ACKR2: variants seen among roughly 807,000 people sequenced by gnomAD.
The protein encoded by ACKR2 is C-C chemokine receptor D6.
For missense variants in ACKR2, 457 were observed against 477.3 expected, an observed-to-expected ratio of 0.96 and a Z score of 0.40; for synonymous variants, 207 against 192.2, an observed-to-expected ratio of 1.08 and a Z score of -0.64.
intron 2 of ACKR2, among the ~76,000 whole-genome samples, chr3:42,832,360 G>C (rs1172341751): frequency 6.6e-6 from 1 of 151,990 alleles, no homozygotes; most frequent in African/African-American, 2.4e-5. Flanking sequence ...ATAGTGGTGG[G>C]CACCTGTAAT....
intron 1 of ACKR2, among the ~76,000 whole-genome samples, chr3:42,810,407 A>ACC (rs71941559): frequency 1.2e-4 from 17 of 145,796 alleles, no homozygotes; most frequent in Non-Finnish European, 1.8e-4. Context: ...AATTCATAGT[A>ACC]CCCCCCCCCA....
intron 2 of ACKR2, among the ~76,000 whole-genome samples, chr3:42,822,797 G>A (rs1700821950): frequency 8.2e-6 from 1 of 122,186 alleles, no homozygotes; most frequent in Non-Finnish European, 1.6e-5. Flanking sequence ...CTGGGTGACA[G>A]AGCAAGACTC....
chr3:42,822,359 A>C (rs1476578601), intron 2 of ACKR2, among the ~76,000 whole-genome samples: 1 of 152,164 alleles, frequency 6.6e-6, no homozygotes, highest in Non-Finnish European at 1.5e-5. Context: ...CATCCTTTTA[A>C]GTTCACATGT....
chr3:42,832,621 A>C (rs1229039489), intron 2 of ACKR2, among the ~76,000 whole-genome samples: 1 of 152,224 alleles, frequency 6.6e-6, no homozygotes, highest in African/African-American at 2.4e-5. Flanking sequence ...CGCATACGGA[A>C]CGCACAGCAA....
At position 42,864,525 on chromosome 3, in the gene ACKR2, A is replaced by G. The variant is rs942599460; in HGVS notation, c.23A>G (p.Gln8Arg). MAATASP[Q>R]PLATEDADSE... is the part of the protein sequence containing the mutation. ...AACATGGCCGCCACTGCCTCTCCGC[A>G]GCCACTCGCCACTGAGGATGCCGAT... Residue 8 changes from glutamine to arginine, a missense_variant, in exon 3 of 3, where the codon CAG becomes CGG. Gln to Arg is a conservative substitution (Grantham distance 43). Coordinates refer to ENST00000422265, the MANE Select transcript of ACKR2 (RefSeq NM_001296.5). 6 of 1,606,150 alleles carry G rather than the reference A, an allele frequency of 3.7e-6. No homozygotes were observed. In the African/African-American group the frequency reaches 5.3e-5, roughly 14 times the overall value.
At chr3:42,816,180 T>C (rs1197546570) in intron 1 of ACKR2, among the ~76,000 whole-genome samples, 1 of 135,684 alleles carries the variant, frequency 7.4e-6, no homozygotes, top group Non-Finnish European at 1.5e-5. Flanking sequence ...TAAACACAAT[T>C]GATAGTTTCG....
chr3:42,864,922 G>A lies in ACKR2; in HGVS notation c.420G>A (p.Leu140=), dbSNP rs138793399. The A allele has an allele frequency of 4.8e-5, 78 of 1,614,102 alleles. No individual in the cohort carries two copies. The African/African-American group carries it at 9.9e-4, about 20-fold the overall frequency. The change falls in exon 3 of 3, where the codon CTG becomes CTA. Residue 140 remains leucine (L), a synonymous_variant. Transcript: ENST00000422265. ...TCTTTTTCATTAGCTGCATGAGCCTGGACAAGTACCTGGAGATCGTTCATG... is the reference window on the plus strand; with the variant it reads ...TCTTTTTCATTAGCTGCATGAGCCTAGACAAGTACCTGGAGATCGTTCATG... ...SGIFFISCMS[L]DKYLEIVHAQ... is the part of the protein sequence containing the mutation.
intron 2 of ACKR2, among the ~76,000 whole-genome samples, chr3:42,862,801 A>T (rs368372347): frequency 1.3e-5 from 2 of 152,252 alleles, no homozygotes; most frequent in East Asian, 1.9e-4. Flanking sequence ...AAAACTGGCT[A>T]GCCATATGCA....
chr3:42,862,005 C>G (rs1277002194), intron 2 of ACKR2, among the ~76,000 whole-genome samples: 1 of 152,180 alleles, frequency 6.6e-6, no homozygotes, highest in Non-Finnish European at 1.5e-5. Flanking sequence ...ATTGGAAGTT[C>G]TGGCCAGGGC....
At chr3:42,840,912 A>C (rs1264173140) in intron 2 of ACKR2, among the ~76,000 whole-genome samples, 1 of 151,884 alleles carries the variant, frequency 6.6e-6, no homozygotes, top group African/African-American at 2.4e-5. Flanking sequence ...CTGGTCTCGA[A>C]CTCCTGACCT....
At chr3:42,837,868 A>G (rs964948843) in intron 2 of ACKR2, among the ~76,000 whole-genome samples, 7 of 152,192 alleles carry the variant, frequency 4.6e-5, no homozygotes, top group Admixed American at 3.9e-4. Context: ...CTTCCATGCC[A>G]TTTATTTTGA....
intron 2 of ACKR2, among the ~76,000 whole-genome samples, chr3:42,832,059 A>T (rs1700936647): frequency 6.6e-6 from 1 of 152,214 alleles, no homozygotes; most frequent in African/African-American, 2.4e-5. Context: ...AATGAAACAC[A>T]AAACTTTGGA....
rs1260819280 is a variant in ACKR2, at chr3:42,866,107, G to A, written c.*450G>A. 1.3e-5 allele frequency: 2 copies of A among 158,314 alleles called. No homozygotes were observed. The highest frequency in any genetic ancestry group is 6.1e-5 in the Admixed American group (1 of 16,354). 9.8% of individuals were successfully genotyped at this position (158,314 alleles called of 1,614,324 possible). A position where few individuals can be genotyped will look rare whatever the true frequency, so the allele number is the denominator to read the frequency against. ...TTCTCATGCCTCAGCCTCCCAAGTAGCCAGGACTATAGGCACCTGCCACCA... is the reference window on the plus strand; with the variant it reads ...TTCTCATGCCTCAGCCTCCCAAGTAACCAGGACTATAGGCACCTGCCACCA... On this transcript the variant is annotated 3_prime_UTR_variant, in exon 3 of 3. Transcript: ENST00000422265.
At chr3:42,816,146 T>A (rs982578475) in intron 1 of ACKR2, among the ~76,000 whole-genome samples, 1 of 152,112 alleles carries the variant, frequency 6.6e-6, no homozygotes, top group African/African-American at 2.4e-5. Flanking sequence ...TGTGTGTTCC[T>A]GTAGATACTA....
intron 2 of ACKR2, among the ~76,000 whole-genome samples, chr3:42,849,531 T>C (rs1476471039): frequency 6.7e-6 from 1 of 150,296 alleles, no homozygotes; most frequent in Non-Finnish European, 1.5e-5. Context: ...TTAGGCAAAG[T>C]AAATGGAGTT....
At position 42,864,908 on chromosome 3, in the gene ACKR2, A is replaced by G. The variant is rs779939878; in HGVS notation, c.406A>G (p.Ser136Gly). Residue 136 changes from serine (S) to glycine (G), a missense_variant, in exon 3 of 3, where the codon AGC becomes GGC. By Grantham distance (56) the Ser-to-Gly change is moderately conservative. Coordinates refer to ENST00000422265, the MANE Select transcript of ACKR2 (RefSeq NM_001296.5). The stretch of plus-strand genomic sequence containing the variant: ...CTTTTACAGTGGCATCTTTTTCATT[A>G]GCTGCATGAGCCTGGACAAGTACCT... Reference protein sequence around the residue: ...INFYSGIFFISCMSLDKYLEI... With the variant: ...INFYSGIFFIGCMSLDKYLEI... 3.7e-6 allele frequency: 6 copies of G among 1,614,010 alleles called. No individual in the cohort carries two copies. The Admixed American group carries it at 1.0e-4, about 27-fold the overall frequency.
intron 2 of ACKR2, chr3:42,856,090 T>TA (rs2125621952): frequency 2.5e-6 from 1 of 405,246 alleles, no homozygotes; most frequent in East Asian, 4.0e-5. Context: ...GGAGTGTCCT[T>TA]ACTGCTGCCC....
chr3:42,842,748 C>T (rs1015512289), intron 2 of ACKR2, among the ~76,000 whole-genome samples: 21 of 151,912 alleles, frequency 1.4e-4, no homozygotes, highest in East Asian at 1.9e-4. Flanking sequence ...TTTTGGAGGT[C>T]GAGGCAGGTG....
intron 2 of ACKR2, among the ~76,000 whole-genome samples, chr3:42,831,617 T>C (rs528784192): frequency 6.6e-6 from 1 of 152,340 alleles, no homozygotes; most frequent in South Asian, 2.1e-4. Context: ...TGCCATCCAG[T>C]AGCTGCAATC....
Sources: allele counts gnomAD v4.1 joint callset (sites outside exome capture counted in the v4.1 genomes callset), GRCh38; gene constraint gnomAD v4.1.1; transcripts MANE v1.5; gene names NCBI Gene and HGNC (gene_info 2026-07-23, HGNC 2026-07-21).